Variants in ARPC5 observed in about 807,000 individuals in gnomAD.
ARPC5 encodes actin related protein 2/3 complex subunit 5.
Under a neutral mutation model 15.4 loss-of-function variants are expected in ARPC5, and 5 were observed. That is an observed-to-expected ratio of 0.32 (90% CI 0.17 to 0.68). ARPC5 has a LOEUF of 0.68. ARPC5 is among the 30% of genes least tolerant of loss of function. ARPC5 has a pLI of 0.71. For missense variants in ARPC5, 138 were observed against 192.8 expected (o/e 0.72, Z 1.68); for synonymous variants, 85 against 72.2 (o/e 1.18, Z -0.90).
intron 1 of ARPC5, chr1:183,633,445 C>T: frequency 4.7e-6 from 1 of 211,240 alleles, no homozygotes; most frequent in South Asian, 1.2e-4. Context: ...CATATGCAAA[C>T]ATTACCTAGA....
rs1649008207 is a variant in ARPC5, at chr1:183,623,894, G to A, written c.*3638C>T. 1.9e-5 allele frequency: 4 copies of A among 205,590 alleles called. No individual in the cohort carries two copies. The highest frequency in any genetic ancestry group is 3.0e-5 in the Non-Finnish European group (3 of 101,162). The allele number at this position is 205,590 out of a possible 1,614,324, so 12.7% of individuals were successfully genotyped here. A position where few individuals can be genotyped will look rare whatever the true frequency, so the allele number is the denominator to read the frequency against. On this transcript the variant is annotated 3_prime_UTR_variant, in exon 4 of 4. Transcript: ENST00000359856. ...AAAAATTAGCTGGGCACGGTGATGC[G>A]TGCCTGTAATCCGAGCTACTCAGGA...
rs1489494873 is a variant in ARPC5, at chr1:183,635,682, G to A, written c.-23C>T. 11 of 1,606,268 alleles carry A rather than the reference G, an allele frequency of 6.8e-6. No individual in the cohort carries two copies. The highest frequency in any genetic ancestry group is 2.7e-5 in the African/African-American group (2 of 74,782). ...CATCCCAATCCCGACCAGCGGCAAA[G>A]GCCTCTTCTTGGCGCTGCCTCTACC... On this transcript the variant is annotated 5_prime_UTR_variant, in exon 1 of 4. Coordinates refer to ENST00000359856, the MANE Select transcript of ARPC5 (RefSeq NM_005717.4).
rs577566959 is a variant in ARPC5 at position 183,635,398 on chromosome 1, C to T, written c.143+119G>A. On this transcript the variant is annotated intron_variant, in intron 1 of 3. Transcript: ENST00000359856. ...GGCGATCCCAAAGAGACAGGTTAAG[C>T]CGCAGGTTGAGAGGGCAGCTCCGCG... The T allele has an allele frequency of 9.0e-6, 11 of 1,226,674 alleles. No individual in the cohort carries two copies. In the African/African-American group the frequency reaches 1.7e-4, roughly 19 times the overall value. 76.0% of individuals were successfully genotyped at this position (1,226,674 alleles called of 1,614,324 possible).
At chr1:183,633,843 A>G (rs1328432774) in intron 1 of ARPC5, 1 of 152,260 alleles carries the variant, frequency 6.6e-6, no homozygotes, top group Non-Finnish European at 1.5e-5. Context: ...GTTAGCAAGC[A>G]TGAGAAACAG....
rs985453107 is a variant in ARPC5 at position 183,626,483 on chromosome 1, A to T, written c.*1049T>A. 10 of 152,604 alleles carry T rather than the reference A, an allele frequency of 6.6e-5. No homozygotes were observed. Among genetic ancestry groups the T allele is most frequent in the African/African-American group, 2.4e-4 (10 of 41,454 alleles). The allele number at this position is 152,604 out of a possible 1,614,324, so 9.5% of individuals were successfully genotyped here. A position where few individuals can be genotyped will look rare whatever the true frequency, so the allele number is the denominator to read the frequency against. On this transcript the variant is annotated 3_prime_UTR_variant, in exon 4 of 4. Transcript: ENST00000359856. ...TTTGGTTTGTCCAACAAAGTAAACA[A>T]TTTTTTGCTGTGTGGCAGTTTCTTT...
Position 183,630,481 on chromosome 1 carries a change from A to C in ARPC5, c.373T>G (p.Leu125Val), listed in dbSNP as rs1317460703. The C allele has an allele frequency of 1.2e-6, 2 of 1,611,934 alleles. No homozygotes were observed. The highest frequency in any genetic ancestry group is 1.7e-6 in the Non-Finnish European group (2 of 1,178,940). Residue 125 changes from leucine to valine, a missense_variant, in exon 3 of 4, where the codon TTA becomes GTA. Around this residue, in one of 3 missense-constraint regions of ARPC5, gnomAD observed 121 missense variants for 153.7 expected, o/e 0.79. Coordinates refer to ENST00000359856, the MANE Select transcript of ARPC5 (RefSeq NM_005717.4). The part of the protein sequence containing the change: ...ESPSDNSSAM[L>V]LQWHEKALAA... ...CTTACCTTTTCATGCCATTGCAGTA[A>C]CATAGCACTGCTATTGTCAGACGGG...
rs1558120263 is a variant in ARPC5 at position 183,625,463 on chromosome 1, T to A, written c.*2069A>T. The A allele has an allele frequency of 6.6e-6, 1 of 152,226 alleles. No homozygotes were observed. The highest frequency in any genetic ancestry group is 2.4e-5 in the African/African-American group (1 of 41,466). 9.4% of individuals were successfully genotyped at this position (152,226 alleles called of 1,614,324 possible). The stretch of plus-strand genomic sequence containing the variant: ...AAACGCTTCAGTTATGAAAGTGATG[T>A]TAAGAAGGATTTTATGAAAAAGCAT... On this transcript the variant is annotated 3_prime_UTR_variant, in exon 4 of 4. Transcript: ENST00000359856.
At chr1:183,634,016 C>CA (rs1558123119) in intron 1 of ARPC5, 1 of 152,126 alleles carries the variant, frequency 6.6e-6, no homozygotes, top group Non-Finnish European at 1.5e-5. Flanking sequence ...ATGAACTGAT[C>CA]AAAAAGCAGA....
intron 1 of ARPC5, among the ~76,000 whole-genome samples, chr1:183,634,446 T>C (rs1220411586): frequency 6.6e-6 from 1 of 152,228 alleles, no homozygotes; most frequent in Admixed American, 6.5e-5. Context: ...TAACAGGACA[T>C]TGTTGAGAGT....
chr1:183,629,273 G>T (rs553137690), intron 3 of ARPC5, among the ~76,000 whole-genome samples: 3 of 152,226 alleles, frequency 2.0e-5, no homozygotes, highest in Non-Finnish European at 4.4e-5. Flanking sequence ...GGCTATGCTA[G>T]AACTACGCTG....
At chr1:183,627,975 C>T (rs1174533368) in intron 3 of ARPC5, among the ~76,000 whole-genome samples, 3 of 151,944 alleles carry the variant, frequency 2.0e-5, no homozygotes, top group Non-Finnish European at 4.4e-5. Flanking sequence ...AGATCAAGAC[C>T]ATCCTGGCTA....
intron 3 of ARPC5, among the ~76,000 whole-genome samples, chr1:183,630,045 T>C (rs1160707215): frequency 6.6e-6 from 1 of 152,246 alleles, no homozygotes; most frequent in African/African-American, 2.4e-5. Context: ...ATTAATGTTA[T>C]AGCATGTGTC....
chr1:183,633,945 T>C (rs1178724423), intron 1 of ARPC5: 2 of 152,156 alleles, frequency 1.3e-5, no homozygotes, highest in Non-Finnish European at 2.9e-5. Context: ...ACCCCACCAC[T>C]AGGGCTGTCT....
In ARPC5 at chr1:183,633,137, G is replaced by A; in HGVS notation, c.161C>T (p.Ala54Val). ...SCLRQGNMTA[A>V]LQAALKNPPI... ...GGGGTTCTTCAGAGCTGCCTGTAGG[G>A]CAGCTGTCATGTTTCCTGTGATGGA... Residue 54 changes from alanine (A) to valine (V), a missense_variant, in exon 2 of 4, where the codon GCC becomes GTC. Around this residue, in one of 3 missense-constraint regions of ARPC5, gnomAD observed 121 missense variants for 153.7 expected, o/e 0.79. Coordinates refer to ENST00000359856, the MANE Select transcript of ARPC5 (RefSeq NM_005717.4). 1 of 1,601,982 alleles carries A rather than the reference G, an allele frequency of 6.2e-7. No homozygotes were observed. The highest frequency in any genetic ancestry group is 8.5e-7 in the Non-Finnish European group (1 of 1,175,606).
chr1:183,622,029 C>G lies in ARPC5; in HGVS notation c.*5503G>C, dbSNP rs1362882313. On this transcript the variant is annotated 3_prime_UTR_variant, in exon 4 of 4. Coordinates refer to ENST00000359856, the MANE Select transcript of ARPC5 (RefSeq NM_005717.4). ...TGCCTCTGAAGGGAATAAGGAAGTT[C>G]TTTATGTATTGATAGGAAATTACCA... 1 of 152,046 alleles carries G rather than the reference C, an allele frequency of 6.6e-6. No individual in the cohort carries two copies. The highest frequency in any genetic ancestry group is 1.5e-5 in the Non-Finnish European group (1 of 68,006). 9.4% of individuals were successfully genotyped at this position (152,046 alleles called of 1,614,324 possible).
intron 1 of ARPC5, among the ~76,000 whole-genome samples, chr1:183,634,811 C>T (rs1649393704): frequency 6.6e-6 from 1 of 152,078 alleles, no homozygotes; most frequent in Non-Finnish European, 1.5e-5. Context: ...GTAAAAGGCT[C>T]CAAGCTTCCT....
Position 183,626,002 on chromosome 1 carries a change from G to C in ARPC5, c.*1530C>G, listed in dbSNP as rs959437619. ...TTCAGCTGCCATCCAGAAGGCTATG[G>C]AATCACTCCAAAGGCTTCAGTAGTG... On this transcript the variant is annotated 3_prime_UTR_variant, in exon 4 of 4. Transcript: ENST00000359856. 1 of 152,126 alleles carries C rather than the reference G, an allele frequency of 6.6e-6. No individual in the cohort carries two copies. The highest frequency in any genetic ancestry group is 2.4e-5 in the African/African-American group (1 of 41,412). 9.4% of individuals were successfully genotyped at this position (152,126 alleles called of 1,614,324 possible).
At chr1:183,632,410 T>C (rs560639790) in intron 2 of ARPC5, 3 of 152,268 alleles carry the variant, frequency 2.0e-5, no homozygotes, top group African/African-American at 4.8e-5. Context: ...CCAAAAAATA[T>C]TGATTTCAGT....
At position 183,625,953 on chromosome 1, in the gene ARPC5, G is replaced by C. The variant is rs1205486849; in HGVS notation, c.*1579C>G. The C allele has an allele frequency of 6.6e-6, 1 of 152,164 alleles. No individual in the cohort carries two copies. Among genetic ancestry groups the C allele is most frequent in the Non-Finnish European group, 1.5e-5 (1 of 68,030 alleles). 9.4% of individuals were successfully genotyped at this position (152,164 alleles called of 1,614,324 possible). ...TTTGCACTTTCTAGTCTAGGTCTTT[G>C]GGCAGTGATACTACATATAGGTATT... On this transcript the variant is annotated 3_prime_UTR_variant, in exon 4 of 4. Coordinates refer to ENST00000359856, the MANE Select transcript of ARPC5 (RefSeq NM_005717.4).
Sources: gnomAD v4.1 joint callset for allele counts (sites outside exome capture counted in the v4.1 genomes callset) on GRCh38, gnomAD v4.1.1 for gene constraint, gnomAD v4.1.1 regional missense constraint, MANE v1.5 for transcripts, NCBI Gene and HGNC (gene_info 2026-07-23, HGNC 2026-07-21) for gene names.